BICD1: variants seen among roughly 807,000 people sequenced by gnomAD.
BICD1 encodes BICD cargo adaptor 1.
In BICD1, 35 loss-of-function variants were observed where a neutral mutation model predicts 92.5. The observed-to-expected ratio is 0.38, with a 90% CI of 0.29 to 0.50. BICD1 has a LOEUF of 0.50. Ranked by LOEUF, BICD1 falls within the 20% of genes least tolerant of loss-of-function variation. The pLI, the probability that BICD1 is intolerant of heterozygous loss-of-function variation, is 0.93. For synonymous variants in BICD1, 429 were observed against 465.1 expected (o/e 0.92, Z 1.00); for missense variants, 950 against 1,189.8 (o/e 0.80, Z 2.97).
intron 1 of BICD1, among the ~76,000 whole-genome samples, chr12:32,128,270 A>G (rs2668290): frequency 0.29 from 44,021 of 152,104 alleles, 6,609 homozygotes; most frequent in Admixed American, 0.43. Context: ...AAAGTATTCA[A>G]AAAGGTACAA....
chr12:32,280,306 C>A (rs1432789520), intron 2 of BICD1, among the ~76,000 whole-genome samples: 1 of 152,080 alleles, frequency 6.6e-6, no homozygotes, highest in East Asian at 1.9e-4. Flanking sequence ...TGAAAGTCCT[C>A]ACAAGACAAT....
intron 8 of BICD1, among the ~76,000 whole-genome samples, chr12:32,344,113 A>G (rs1938480710): frequency 6.6e-6 from 1 of 152,234 alleles, no homozygotes; most frequent in Non-Finnish European, 1.5e-5. Context: ...GGAGACAAAT[A>G]TGTACTGATG....
At chr12:32,113,959 C>T (rs1402726780) in intron 1 of BICD1, among the ~76,000 whole-genome samples, 2 of 152,014 alleles carry the variant, frequency 1.3e-5, no homozygotes, top group East Asian at 3.9e-4. Flanking sequence ...GCAACCTCTG[C>T]CTCCCGGGTT....
chr12:32,194,554 T>C (rs1453434486), intron 1 of BICD1, among the ~76,000 whole-genome samples: 1 of 152,034 alleles, frequency 6.6e-6, no homozygotes, highest in East Asian at 1.9e-4. Context: ...TAACCAGAAA[T>C]TAAGAAAACA....
At chr12:32,117,004 C>T (rs567547593) in intron 1 of BICD1, among the ~76,000 whole-genome samples, 79 of 152,100 alleles carry the variant, frequency 5.2e-4, no homozygotes, top group African/African-American at 1.8e-3. Flanking sequence ...TGATATGTTA[C>T]GTTTGTTTTC....
intron 1 of BICD1, among the ~76,000 whole-genome samples, chr12:32,113,202 C>T (rs530471505): frequency 5.9e-5 from 9 of 151,766 alleles, no homozygotes; most frequent in African/African-American, 1.5e-4. Flanking sequence ...GGAGGGGGCA[C>T]GTCTAAGAGC....
At chr12:32,168,638 G>A (rs1943843072) in intron 1 of BICD1, among the ~76,000 whole-genome samples, 1 of 152,200 alleles carries the variant, frequency 6.6e-6, no homozygotes. Context: ...CTTGGGATGT[G>A]AACCACTCTC....
intron 1 of BICD1, among the ~76,000 whole-genome samples, chr12:32,166,428 G>A (rs969570077): frequency 4.6e-5 from 7 of 152,098 alleles, no homozygotes; most frequent in African/African-American, 1.7e-4. Flanking sequence ...GGGCCACCGC[G>A]CCAGGCTATC....
intron 1 of BICD1, among the ~76,000 whole-genome samples, chr12:32,128,159 C>T (rs1303519316): frequency 6.6e-6 from 1 of 152,226 alleles, no homozygotes; most frequent in Non-Finnish European, 1.5e-5. Flanking sequence ...CCGCCTCCGC[C>T]TCCCAAAGTG....
chr12:32,354,673 G>A (rs1939033384), intron 8 of BICD1, among the ~76,000 whole-genome samples: 1 of 152,162 alleles, frequency 6.6e-6, no homozygotes. Flanking sequence ...TTGGTGAAAA[G>A]GGATGAGATA....
intron 2 of BICD1, chr12:32,228,082 C>T (rs568936708): frequency 1.5e-4 from 36 of 235,330 alleles, no homozygotes; most frequent in Admixed American, 1.4e-3. Flanking sequence ...TCCACATGGA[C>T]GTAGGACATT....
chr12:32,180,730 T>C (rs1944247179), intron 1 of BICD1, among the ~76,000 whole-genome samples: 1 of 152,028 alleles, frequency 6.6e-6, no homozygotes, highest in Non-Finnish European at 1.5e-5. Flanking sequence ...TCACACTTTG[T>C]AAACATTTTG....
chr12:32,309,104 A>C (rs1441992380), intron 4 of BICD1, among the ~76,000 whole-genome samples: 1 of 152,112 alleles, frequency 6.6e-6, no homozygotes, highest in Non-Finnish European at 1.5e-5. Context: ...ATTTTTTTGC[A>C]ATACAGTTTT....
chr12:32,175,568 C>T (rs1027854071), intron 1 of BICD1, among the ~76,000 whole-genome samples: 21 of 152,140 alleles, frequency 1.4e-4, no homozygotes, highest in Admixed American at 1.0e-3. Context: ...CCACCCACCT[C>T]GGCCTCCCCA....
chr12:32,226,157 C>G (rs1000449113), intron 2 of BICD1, among the ~76,000 whole-genome samples: 1 of 152,170 alleles, frequency 6.6e-6, no homozygotes, highest in Non-Finnish European at 1.5e-5. Flanking sequence ...TGCTTTGAGA[C>G]GGAGTCTCGC....
chr12:32,308,504 T>C (rs1948290907), intron 4 of BICD1, among the ~76,000 whole-genome samples: 1 of 152,214 alleles, frequency 6.6e-6, no homozygotes, highest in African/African-American at 2.4e-5. Flanking sequence ...TAAATGCTCA[T>C]TAATTATGAA....
At chr12:32,276,680 A>G (rs999392953) in intron 2 of BICD1, among the ~76,000 whole-genome samples, 1 of 152,116 alleles carries the variant, frequency 6.6e-6, no homozygotes, top group Non-Finnish European at 1.5e-5. Flanking sequence ...CAAAAAAGAA[A>G]AAAAAAAGAA....
chr12:32,252,181 TA>T (rs59407600), intron 2 of BICD1, among the ~76,000 whole-genome samples: 3 of 133,136 alleles, frequency 2.3e-5, no homozygotes, highest in Admixed American at 8.9e-5. Flanking sequence ...AAATATTATA[TA>T]ATATATACTA....
At chr12:32,245,196 G>A (rs1323889386) in intron 2 of BICD1, among the ~76,000 whole-genome samples, 1 of 151,442 alleles carries the variant, frequency 6.6e-6, no homozygotes, top group East Asian at 1.9e-4. Flanking sequence ...ATAACTCTAT[G>A]TGCTTTATTT....
Sources: allele counts gnomAD v4.1 joint callset (sites outside exome capture counted in the v4.1 genomes callset), GRCh38; gene constraint gnomAD v4.1.1; transcripts MANE v1.5; gene names NCBI Gene and HGNC (gene_info 2026-07-23, HGNC 2026-07-21).